STPG2: variants seen among roughly 807,000 people sequenced by gnomAD.
STPG2 encodes sperm tail PG-rich repeat containing 2.
A neutral mutation model predicts 54.2 loss-of-function variants in STPG2; 56 were observed. That is an observed-to-expected ratio of 1.03 (90% CI 0.83 to 1.29). The LOEUF is 1.29. STPG2 is among the 50% of genes most tolerant of loss of function. The pLI, the probability that STPG2 is intolerant of heterozygous loss-of-function variation, is 0.00. For synonymous variants in STPG2, 200 were observed against 181.8 expected (o/e 1.10, Z -0.81); for missense variants, 596 against 544.9 (o/e 1.09, Z -0.93).
chr4:98,110,735 C>T (rs1014378019), intron 3 of STPG2, among the ~76,000 whole-genome samples: 4 of 152,028 alleles, frequency 2.6e-5, no homozygotes, highest in African/African-American at 4.8e-5. Context: ...TTATGCCCCT[C>T]GATTGAATTC....
intron 9 of STPG2, among the ~76,000 whole-genome samples, chr4:97,755,749 T>G (rs994713643): frequency 6.6e-6 from 1 of 152,200 alleles, no homozygotes; most frequent in African/African-American, 2.4e-5. Context: ...CTCTCTAAGT[T>G]TATTTTCTTA....
At chr4:97,846,742 G>C (rs1728966093) in intron 8 of STPG2, among the ~76,000 whole-genome samples, 1 of 151,992 alleles carries the variant, frequency 6.6e-6, no homozygotes, top group South Asian at 2.1e-4. Flanking sequence ...AGAAGGGCCT[G>C]CGAAAATATG....
At chr4:98,023,650 G>T (rs1459755645) in intron 5 of STPG2, among the ~76,000 whole-genome samples, 1 of 152,206 alleles carries the variant, frequency 6.6e-6, no homozygotes, top group African/African-American at 2.4e-5. Flanking sequence ...TACAGAGGCA[G>T]GCAGGCCTCC....
Position 98,065,533 on chromosome 4 carries a change from T to G in STPG2, c.612+40420A>C, listed in dbSNP as rs960108711. On this transcript the variant is annotated intron_variant, in intron 5 of 10. Coordinates refer to ENST00000295268, the MANE Select transcript of STPG2 (RefSeq NM_174952.3). Reference sequence around the variant, plus strand: ...AAACTGATCCTAATGTATATTAGAGTTTAATACATGTGAATGAACATCACA... The same window carrying G: ...AAACTGATCCTAATGTATATTAGAGGTTAATACATGTGAATGAACATCACA... Among the ~76,000 whole-genome samples the G allele has an allele frequency of 2.2e-4, 34 of 152,096 alleles. 1 individual carries two copies. Among genetic ancestry groups the G allele is most frequent in the Non-Finnish European group, 7.3e-5 (5 of 68,028 alleles).
At chr4:97,628,359 A>C (rs1253958813) in intron 10 of STPG2, among the ~76,000 whole-genome samples, 3 of 152,152 alleles carry the variant, frequency 2.0e-5, no homozygotes, top group Non-Finnish European at 4.4e-5. Context: ...TCAAAAAATA[A>C]AGCTGTGCCA....
chr4:97,641,913 AG>A (rs972209790), intron 10 of STPG2, among the ~76,000 whole-genome samples: 1 of 151,568 alleles, frequency 6.6e-6, no homozygotes. Flanking sequence ...GACATAAGAA[AG>A]TTGTAAGCAT....
intron 5 of STPG2, among the ~76,000 whole-genome samples, chr4:98,071,432 G>C (rs763592037): frequency 1.3e-5 from 2 of 150,928 alleles, no homozygotes; most frequent in Non-Finnish European, 2.9e-5. Context: ...ATGGATTAAA[G>C]ATTTACATGA....
chr4:97,699,645 C>A (rs1046317351), intron 10 of STPG2, among the ~76,000 whole-genome samples: 3 of 152,224 alleles, frequency 2.0e-5, no homozygotes, highest in African/African-American at 4.8e-5. Context: ...GTTCCCTTCA[C>A]TGCTGTCCTT....
chr4:97,612,045 A>G (rs1451931547), intron 10 of STPG2, among the ~76,000 whole-genome samples: 1 of 151,910 alleles, frequency 6.6e-6, no homozygotes, highest in Non-Finnish European at 1.5e-5. Context: ...CAAATGTTTT[A>G]ATCTGCTTAA....
At chr4:97,952,208 G>T (rs1578725744) in intron 7 of STPG2, among the ~76,000 whole-genome samples, 1 of 152,148 alleles carries the variant, frequency 6.6e-6, no homozygotes, top group Non-Finnish European at 1.5e-5. Context: ...GAAAAAGGTT[G>T]TCTAGGTGCA....
chr4:97,442,814 C>T (rs1224398227), intron 4 of STPG2, among the ~76,000 whole-genome samples: 1 of 152,104 alleles, frequency 6.6e-6, no homozygotes, highest in Non-Finnish European at 1.5e-5. Flanking sequence ...AAAAATAAAT[C>T]TGCAAGTAAG....
chr4:97,741,387 T>G (rs1302958166), intron 9 of STPG2, among the ~76,000 whole-genome samples: 2 of 152,010 alleles, frequency 1.3e-5, no homozygotes, highest in East Asian at 3.9e-4. Flanking sequence ...CTAAAGAGCT[T>G]CTGCACAGCA....
At chr4:97,925,594 A>C (rs1181774635) in intron 8 of STPG2, among the ~76,000 whole-genome samples, 1 of 152,208 alleles carries the variant, frequency 6.6e-6, no homozygotes, top group Non-Finnish European at 1.5e-5. Flanking sequence ...CAACCAACAA[A>C]GCAAACCCTA....
intron 9 of STPG2, among the ~76,000 whole-genome samples, chr4:97,776,227 GA>G (rs1405339314): frequency 2.0e-5 from 3 of 152,018 alleles, no homozygotes; most frequent in African/African-American, 7.3e-5. Context: ...AATGTACTAG[GA>G]ACATTATTAT....
chr4:97,852,546 A>G lies in STPG2; in HGVS notation c.1045-11614T>C, dbSNP rs559943026. Among the ~76,000 whole-genome samples, 644 of 152,306 alleles carry G rather than the reference A, an allele frequency of 4.2e-3. 3 individuals carry two copies. The highest frequency in any genetic ancestry group is 0.024 in the South Asian group (117 of 4,828). ...TGTCAGTGAGACGAATTGTAGAACT[A>G]TTCATATTTGGAAGCTGCCTCCAAA... On this transcript the variant is annotated intron_variant, in intron 8 of 10. Coordinates refer to ENST00000295268, the MANE Select transcript of STPG2 (RefSeq NM_174952.3).
chr4:97,525,623 A>G (rs1463760029), intron 4 of STPG2, among the ~76,000 whole-genome samples: 1 of 152,014 alleles, frequency 6.6e-6, no homozygotes, highest in Non-Finnish European at 1.5e-5. Flanking sequence ...CTCAGGAGCC[A>G]AACAAAAACT....
intron 9 of STPG2, among the ~76,000 whole-genome samples, chr4:97,728,055 A>C (rs1724678076): frequency 6.6e-6 from 1 of 152,066 alleles, no homozygotes; most frequent in Non-Finnish European, 1.5e-5. Context: ...CATATTATCT[A>C]ATCAGACAAT....
At chr4:97,672,782 CTT>C (rs1311153781) in intron 10 of STPG2, among the ~76,000 whole-genome samples, 1 of 152,164 alleles carries the variant, frequency 6.6e-6, no homozygotes, top group East Asian at 1.9e-4. Flanking sequence ...ATTATCTTCT[CTT>C]GTCACACGAA....
intron 3 of STPG2, among the ~76,000 whole-genome samples, chr4:98,109,619 T>C (rs1391204329): frequency 6.6e-6 from 1 of 152,028 alleles, no homozygotes; most frequent in Non-Finnish European, 1.5e-5. Context: ...GAAAATTAGC[T>C]CCTCATCATT....
Sources: gnomAD v4.1 joint callset for allele counts (sites outside exome capture counted in the v4.1 genomes callset) on GRCh38, gnomAD v4.1.1 for gene constraint, MANE v1.5 for transcripts, NCBI Gene and HGNC (gene_info 2026-07-23, HGNC 2026-07-21) for gene names.